GJB1: variants seen among roughly 807,000 people sequenced by gnomAD.
The protein encoded by GJB1 is gap junction beta-1 protein.
Under a neutral mutation model 12.0 loss-of-function variants are expected in GJB1, and 1 was observed. The ratio of observed to expected loss-of-function variants is 0.08; its 90% CI spans 0.03 to 0.40. The LOEUF (loss-of-function observed/expected upper bound fraction) is 0.40, where lower values mean the gene tolerates loss of function less well. Ranked by LOEUF, GJB1 falls within the 10% of genes least tolerant of loss-of-function variation. GJB1 has a pLI of 0.98. For missense variants in GJB1, 140 were observed against 250.3 expected, an observed-to-expected ratio of 0.56 and a Z score of 2.97; for synonymous variants, 114 against 102.8, an observed-to-expected ratio of 1.11 and a Z score of -0.66.
chrX:71,219,638 G>A (rs1260011098), upstream of GJB1, among the ~76,000 whole-genome samples: 1 of 102,279 alleles, frequency 9.8e-6, no homozygotes, highest in East Asian at 3.2e-4. Context: ...GCCAGGCGTG[G>A]TGGCGGGCGC....
chrX:71,222,291 C>T (rs1036467568), upstream of GJB1, among the ~76,000 whole-genome samples: 2 of 107,842 alleles, frequency 1.9e-5, no homozygotes, highest in African/African-American at 3.4e-5. Flanking sequence ...CTCTGTCGCC[C>T]GGACTGGAGT....
chrX:71,221,240 T>C (rs2092537428), upstream of GJB1, among the ~76,000 whole-genome samples: 1 of 112,309 alleles, frequency 8.9e-6, no homozygotes, highest in African/African-American at 3.2e-5. Flanking sequence ...GCTTTGCATA[T>C]AGAATCCCAG....
At chrX:71,216,499 G>A (rs2092526050) in intron 1 of GJB1, among the ~76,000 whole-genome samples, 1 of 109,270 alleles carries the variant, frequency 9.2e-6, no homozygotes, top group Admixed American at 1.0e-4. Flanking sequence ...GGGTTGTTGT[G>A]AGCGTGAGAG....
rs2092548229 is a variant in GJB1 at position 71,225,158 on chromosome X, C to G, written c.*599C>G. The G allele has an allele frequency of 7.8e-6, 1 of 127,541 alleles. No homozygotes were observed. 10.5% of individuals were successfully genotyped at this position (127,541 alleles called of 1,213,427 possible). ...TGCCTCTAGTCCCCAAGGCCTCTCT[C>G]TGCCTGAAATGTTACACATTAAACA... is the stretch of plus-strand genomic sequence containing the variant. On this transcript the variant is annotated 3_prime_UTR_variant, in exon 2 of 2. Transcript: ENST00000361726.
At position 71,224,094 on chromosome X, in the gene GJB1, G is replaced by T; in HGVS notation, c.387G>T (p.Gly129=). ...EVKRHKVHIS[G]TLWWTYVISV... ...AGAGGCACAAGGTCCACATCTCAGG[G>T]ACACTGTGGTGGACCTATGTCATCA... Residue 129 remains glycine (G), a synonymous_variant, in exon 2 of 2, where the codon GGG becomes GGT. Coordinates refer to ENST00000361726, the MANE Select transcript of GJB1 (RefSeq NM_000166.6). 8.3e-7 allele frequency: 1 copy of T among 1,207,700 alleles called. No homozygotes were observed. The highest frequency in any genetic ancestry group is 1.1e-6 in the Non-Finnish European group (1 of 893,322).
upstream of GJB1, among the ~76,000 whole-genome samples, chrX:71,219,874 G>A (rs1359798024): frequency 6.6e-5 from 6 of 90,803 alleles, no homozygotes; most frequent in African/African-American, 2.5e-4. Flanking sequence ...GCAGAGTCTC[G>A]TTCTGTCGCC....
chrX:71,218,864 T>TACCC (rs1405285362), upstream of GJB1, among the ~76,000 whole-genome samples: 1 of 106,300 alleles, frequency 9.4e-6, no homozygotes, highest in African/African-American at 3.5e-5. Context: ...CCAGCCTGGG[T>TACCC]GACTGAGCTA....
intron 1 of GJB1, 88 bp from the exon 2 acceptor site, chrX:71,223,604 G>GT: frequency 2.3e-6 from 2 of 873,104 alleles, no homozygotes; most frequent in Non-Finnish European, 3.4e-6. Flanking sequence ...TCTTGGAAGA[G>GT]TTGAGGGGGG....
At position 71,224,475 on chromosome X, in the gene GJB1, T is replaced by C. The variant is rs1248389821; in HGVS notation, c.768T>C (p.Asp256=). 1.3e-5 allele frequency: 16 copies of C among 1,205,030 alleles called. No homozygotes were observed. Among genetic ancestry groups the C allele is most frequent in the Non-Finnish European group, 1.8e-5 (16 of 892,750 alleles). Residue 256 remains aspartate, a synonymous_variant, in exon 2 of 2, where the codon GAT becomes GAC. Coordinates refer to ENST00000361726, the MANE Select transcript of GJB1 (RefSeq NM_000166.6). ...NEINKLLSEQ[D]GSLKDILRRS... The stretch of plus-strand genomic sequence containing the variant: ...TCAACAAGCTGCTGAGTGAGCAGGA[T>C]GGCTCCCTGAAAGACATACTGCGCC...
intron 1 of GJB1, among the ~76,000 whole-genome samples, chrX:71,217,104 A>ATGTGTGTGTGTG (rs34246909): frequency 0.049 from 4,589 of 93,470 alleles, 157 homozygotes; most frequent in East Asian, 0.2. Flanking sequence ...GACTAGACGA[A>ATGTGTGTGTGTG]TGTGTGTGTG....
intron 1 of GJB1, chrX:71,217,551 G>A (rs1226311502): frequency 9.0e-6 from 1 of 111,639 alleles, no homozygotes; most frequent in Non-Finnish European, 1.9e-5. Context: ...TATCAATACG[G>A]GGACTTTAAC....
intron 1 of GJB1, among the ~76,000 whole-genome samples, chrX:71,216,758 A>G (rs1487626985): frequency 9.0e-6 from 1 of 111,499 alleles, no homozygotes; most frequent in Non-Finnish European, 1.9e-5. Flanking sequence ...CAGGGTGGAG[A>G]GGCTAAGTCC....
Position 71,225,305 on chromosome X carries a change from A to G in GJB1, c.*746A>G, listed in dbSNP as rs2092548452. 1 of 123,457 alleles carries G rather than the reference A, an allele frequency of 8.1e-6. No individual in the cohort carries two copies. Among genetic ancestry groups the G allele is most frequent in the African/African-American group, 3.2e-5 (1 of 30,793 alleles). 10.2% of individuals were successfully genotyped at this position (123,457 alleles called of 1,213,427 possible). On this transcript the variant is annotated 3_prime_UTR_variant, in exon 2 of 2. Transcript: ENST00000361726. ...TACTGATTAAGAAAGGAACAGGGCA[A>G]AAGAAGTAGTTACTTGAGTAGCTGA... is the stretch of plus-strand genomic sequence containing the variant.
upstream of GJB1, among the ~76,000 whole-genome samples, chrX:71,219,450 C>T (rs758159050): frequency 1.1e-3 from 115 of 107,731 alleles, 3 homozygotes; most frequent in African/African-American, 3.7e-3. Context: ...TTTTAAGAGA[C>T]GGGGGTCTCC....
upstream of GJB1, among the ~76,000 whole-genome samples, chrX:71,220,142 C>CTT (rs41353351): frequency 4.5e-4 from 24 of 52,796 alleles, 1 homozygote; most frequent in African/African-American, 1.7e-3. Flanking sequence ...TGTGCCTGGC[C>CTT]TTTTTTTTTT....
upstream of GJB1, among the ~76,000 whole-genome samples, chrX:71,220,142 C>CTTTT (rs41353351): frequency 3.8e-5 from 2 of 52,803 alleles, no homozygotes; most frequent in Non-Finnish European, 5.8e-5. Flanking sequence ...TGTGCCTGGC[C>CTTTT]TTTTTTTTTT....
rs2092548421 is a variant in GJB1 at position 71,225,296 on chromosome X, A to G, written c.*737A>G. 1 of 123,399 alleles carries G rather than the reference A, an allele frequency of 8.1e-6. No individual in the cohort carries two copies. Among genetic ancestry groups the G allele is most frequent in the Non-Finnish European group, 1.9e-5 (1 of 53,374 alleles). 10.2% of individuals were successfully genotyped at this position (123,399 alleles called of 1,213,427 possible). A position where few individuals can be genotyped will look rare whatever the true frequency, so the allele number is the denominator to read the frequency against. On this transcript the variant is annotated 3_prime_UTR_variant, in exon 2 of 2. Coordinates refer to ENST00000361726, the MANE Select transcript of GJB1 (RefSeq NM_000166.6). ...TTGGTTTTTTACTGATTAAGAAAGGAACAGGGCAAAAGAAGTAGTTACTTG... is the reference window on the plus strand; with the variant it reads ...TTGGTTTTTTACTGATTAAGAAAGGGACAGGGCAAAAGAAGTAGTTACTTG...
At position 71,224,399 on chromosome X, in the gene GJB1, A is replaced by G; in HGVS notation, c.692A>G (p.Lys231Arg). The change falls in exon 2 of 2, where the codon AAG becomes AGG. Residue 231 changes from lysine to arginine, a missense_variant. This residue lies in a region of GJB1 where 75 missense variants were observed against 78.8 expected (regional missense o/e 0.95). Coordinates refer to ENST00000361726, the MANE Select transcript of GJB1 (RefSeq NM_000166.6). ...CGCCGCTCCAATCCACCTTCCCGCA[A>G]GGGCTCGGGCTTCGGCCACCGCCTC... ...AQRRSNPPSR[K>R]GSGFGHRLSP... 1.7e-6 allele frequency: 2 copies of G among 1,210,483 alleles called. No homozygotes were observed. The highest frequency in any genetic ancestry group is 2.3e-4 in the Middle Eastern group (1 of 4,351).
At chrX:71,217,318 G>A (rs770278490) in intron 1 of GJB1, among the ~76,000 whole-genome samples, 51 of 112,302 alleles carry the variant, frequency 4.5e-4, no homozygotes, top group Admixed American at 2.4e-3. Flanking sequence ...AATTGCCGTT[G>A]AGGCAAGTTT....
Sources: gnomAD v4.1 joint callset for allele counts (sites outside exome capture counted in the v4.1 genomes callset) on GRCh38, gnomAD v4.1.1 for gene constraint, gnomAD v4.1.1 regional missense constraint, MANE v1.5 for transcripts, NCBI Gene and HGNC (gene_info 2026-07-23, HGNC 2026-07-21) for gene names.